DACH2: variants seen among roughly 807,000 people sequenced by gnomAD.
DACH2 encodes dachshund family transcription factor 2.
In DACH2, 17 loss-of-function variants were observed where a neutral mutation model predicts 35.8. The ratio of observed to expected loss-of-function variants is 0.48; its 90% CI spans 0.33 to 0.71. The LOEUF (loss-of-function observed/expected upper bound fraction) is 0.71. DACH2 is among the 30% of genes least tolerant of loss of function. The pLI, the probability that DACH2 is intolerant of heterozygous loss-of-function variation, is 0.02. For missense variants in DACH2, 469 were observed against 472.7 expected (o/e 0.99, Z 0.07); for synonymous variants, 195 against 177.3 (o/e 1.10, Z -0.79).
chrX:86,367,162 GA>G (rs1260710582), intron 1 of DACH2, among the ~76,000 whole-genome samples: 1 of 111,100 alleles, frequency 9.0e-6, no homozygotes, highest in Non-Finnish European at 1.9e-5. Flanking sequence ...AATGTACATA[GA>G]GATAGACAAT....
rs1174499016 is a variant in DACH2 at position 86,274,461 on chromosome X, TTTTC to T, written c.489-102359_489-102356del. Among the ~76,000 whole-genome samples, 39 of 29,442 alleles carry T rather than the reference TTTTC, an allele frequency of 1.3e-3. 1 individual carries two copies. The highest frequency in any genetic ancestry group is 7.1e-3 in the African/African-American group (38 of 5,371). 25.6% of individuals were successfully genotyped at this position (29,442 alleles called of 115,157 possible). On this transcript the variant is annotated intron_variant, in intron 1 of 11. Coordinates refer to ENST00000373125, the MANE Select transcript of DACH2 (RefSeq NM_053281.3). ...TAATAACATTAAATCCTTTTTTTTT[TTTTC>T]TTTTTTTTTTGAGACGGAGTCTTTC...
intron 7 of DACH2, among the ~76,000 whole-genome samples, chrX:86,742,491 A>C (rs1240992823): frequency 1.8e-5 from 2 of 111,303 alleles, no homozygotes. Flanking sequence ...TCTTCAGACC[A>C]ACAAAAAATC....
Position 86,658,912 on chromosome X carries a change from C to T in DACH2, c.772+7745C>T, listed in dbSNP as rs142668523. 1.1e-3 allele frequency among the ~76,000 whole-genome samples: 122 copies of T among 111,253 alleles called. 1 individual carries two copies. Among genetic ancestry groups the T allele is most frequent in the Middle Eastern group, 9.2e-3 (2 of 217 alleles). ...TATAACCACGTAAATCTTTATCCTC[C>T]GAGTCCCTGCTTTTTCTGACTTTTG... is the stretch of plus-strand genomic sequence containing the variant. On this transcript the variant is annotated intron_variant, in intron 4 of 11. Coordinates refer to ENST00000373125, the MANE Select transcript of DACH2 (RefSeq NM_053281.3).
intron 1 of DACH2, among the ~76,000 whole-genome samples, chrX:86,195,031 G>A (rs73512073): frequency 0.036 from 3,995 of 112,507 alleles, 189 homozygotes; most frequent in African/African-American, 0.12. Flanking sequence ...CAGCACTGGG[G>A]CCTCCATGGC....
chrX:86,717,868 G>GTA lies in DACH2; in HGVS notation c.1104+3158_1104+3159dup, dbSNP rs767251127. Among the ~76,000 whole-genome samples, 13 of 106,203 alleles carry GTA rather than the reference G, an allele frequency of 1.2e-4. No individual in the cohort carries two copies. In the South Asian group the frequency reaches 4.0e-3, roughly 33 times the overall value. The allele number at this position is 106,203 out of a possible 115,157, so 92.2% of individuals were successfully genotyped here. A position where few individuals can be genotyped will look rare whatever the true frequency, so the allele number is the denominator to read the frequency against. On this transcript the variant is annotated intron_variant, in intron 6 of 11. Coordinates refer to ENST00000373125, the MANE Select transcript of DACH2 (RefSeq NM_053281.3). ...TATATATATTCATATATATGCATAT[G>GTA]TATATATATATCTTGCAGTTTTTCT...
intron 2 of DACH2, chrX:86,512,876 A>G: frequency 3.0e-6 from 1 of 329,783 alleles, no homozygotes; most frequent in South Asian, 2.6e-5. Flanking sequence ...AAACACGGTA[A>G]AACACTGAGT....
intron 4 of DACH2, among the ~76,000 whole-genome samples, chrX:86,660,735 C>G (rs911736223): frequency 9.0e-6 from 1 of 111,265 alleles, no homozygotes; most frequent in Non-Finnish European, 1.9e-5. Flanking sequence ...TTTTGAGTAT[C>G]TACCTCTTTA....
At chrX:86,296,981 C>T (rs188311227) in intron 1 of DACH2, among the ~76,000 whole-genome samples, 4 of 106,059 alleles carry the variant, frequency 3.8e-5, no homozygotes, top group African/African-American at 1.0e-4. Flanking sequence ...TGCAAACATA[C>T]GTTTTCTGGC....
chrX:86,706,483 A>T (rs2148454067), intron 5 of DACH2, among the ~76,000 whole-genome samples: 1 of 111,184 alleles, frequency 9.0e-6, no homozygotes, highest in African/African-American at 3.3e-5. Flanking sequence ...ACACTAAAAA[A>T]CATTAAGAGT....
At chrX:86,301,441 TA>T (rs749602367) in intron 1 of DACH2, among the ~76,000 whole-genome samples, 5 of 111,383 alleles carry the variant, frequency 4.5e-5, no homozygotes, top group South Asian at 3.7e-4. Flanking sequence ...TCTTGAAATA[TA>T]AAAAAAACTG....
At chrX:86,816,325 C>T (rs2147355476) in intron 11 of DACH2, among the ~76,000 whole-genome samples, 1 of 111,658 alleles carries the variant, frequency 9.0e-6, no homozygotes, top group East Asian at 2.8e-4. Context: ...TACAGAGGGA[C>T]TAATAATTTT....
intron 2 of DACH2, among the ~76,000 whole-genome samples, chrX:86,420,984 A>G (rs1478750085): frequency 9.0e-6 from 1 of 111,188 alleles, no homozygotes; most frequent in Non-Finnish European, 1.9e-5. Flanking sequence ...ATATTATGAA[A>G]GAGTTTTCAG....
Position 86,282,442 on chromosome X carries a change from C to T in DACH2, c.489-94382C>T, listed in dbSNP as rs145434300. ...TAATAAATGGTGTTGGGAAAACTGG[C>T]TAGCCATATACAGAAAAAGGAAACT... is the stretch of plus-strand genomic sequence containing the variant. On this transcript the variant is annotated intron_variant, in intron 1 of 11. Transcript: ENST00000373125. Among the ~76,000 whole-genome samples, 143 of 111,733 alleles carry T rather than the reference C, an allele frequency of 1.3e-3. 5 individuals are homozygous for T. In the East Asian group the frequency reaches 0.026, roughly 21 times the overall value.
intron 3 of DACH2, among the ~76,000 whole-genome samples, chrX:86,543,344 T>A (rs2038912247): frequency 9.0e-6 from 1 of 111,423 alleles, no homozygotes; most frequent in African/African-American, 3.3e-5. Context: ...GATAGCAACT[T>A]CAAAGATTGG....
At chrX:86,215,361 G>T (rs1602292915) in intron 1 of DACH2, among the ~76,000 whole-genome samples, 1 of 111,274 alleles carries the variant, frequency 9.0e-6, no homozygotes, top group Admixed American at 9.6e-5. Flanking sequence ...GATTGAATAG[G>T]CAATATTTTA....
At chrX:86,823,072 C>G (rs981559945) in intron 11 of DACH2, among the ~76,000 whole-genome samples, 1 of 111,091 alleles carries the variant, frequency 9.0e-6, no homozygotes, top group African/African-American at 3.3e-5. Context: ...TCTGCCTCCG[C>G]CTCCCAAGTA....
At chrX:86,730,721 C>T (rs752244566) in intron 6 of DACH2, among the ~76,000 whole-genome samples, 51 of 111,068 alleles carry the variant, frequency 4.6e-4, no homozygotes, top group African/African-American at 1.5e-3. Context: ...CAAAATGAAC[C>T]CATATTTATT....
intron 2 of DACH2, among the ~76,000 whole-genome samples, chrX:86,463,831 A>C (rs1254789019): frequency 3.6e-5 from 4 of 111,753 alleles, no homozygotes; most frequent in African/African-American, 1.3e-4. Context: ...ATTTACAAGA[A>C]AAAAATAACT....
chrX:86,537,391 C>T (rs752636892), intron 3 of DACH2, among the ~76,000 whole-genome samples: 33 of 110,969 alleles, frequency 3.0e-4, no homozygotes, highest in African/African-American at 9.8e-4. Context: ...TTCTAAAGTG[C>T]GTTTGGGGTC....
Sources: allele counts gnomAD v4.1 joint callset (sites outside exome capture counted in the v4.1 genomes callset), GRCh38; gene constraint gnomAD v4.1.1; transcripts MANE v1.5; gene names NCBI Gene and HGNC (gene_info 2026-07-23, HGNC 2026-07-21).